The following LMF1 variants were observed in gnomAD, a reference collection of about 807,000 sequenced individuals.
LMF1 encodes lipase maturation factor 1.
In LMF1, 68 loss-of-function variants were observed where a neutral mutation model predicts 60.6. The ratio of observed to expected loss-of-function variants is 1.12; its 90% CI spans 0.92 to 1.37. LMF1 has a LOEUF of 1.37. Ranked by LOEUF, LMF1 falls within the 40% of genes most tolerant of loss-of-function variation. The pLI is 0.00. For synonymous variants in LMF1, 418 were observed against 324.7 expected (o/e 1.29, Z -3.09); for missense variants, 948 against 767.2 (o/e 1.24, Z -2.78).
intron 4 of LMF1, among the ~76,000 whole-genome samples, chr16:909,753 C>G (rs2071060014): frequency 6.6e-6 from 1 of 152,226 alleles, no homozygotes; most frequent in Non-Finnish European, 1.5e-5. Context: ...AGGAGCCGCC[C>G]AGCACTCGGG....
chr16:978,983 C>T lies in LMF1; in HGVS notation c.-135+2162G>A, dbSNP rs566604953. ...ACCAAAGATGCTTTCCCAGACCATC[C>T]TTCCTGAAGTCCCCGCCTCTGAGAG... is the stretch of plus-strand genomic sequence containing the variant. On this transcript the variant is annotated intron_variant, in intron 1 of 6. Transcript: ENST00000570014. 2.8e-4 allele frequency: 129 copies of T among 454,036 alleles called. 1 individual carries two copies. The highest frequency in any genetic ancestry group is 9.7e-5 in the Non-Finnish European group (22 of 226,736). The allele number at this position is 454,036 out of a possible 1,614,324, so 28.1% of individuals were successfully genotyped here. A position where few individuals can be genotyped will look rare whatever the true frequency, so the allele number is the denominator to read the frequency against.
intron 10 of LMF1, among the ~76,000 whole-genome samples, chr16:860,131 C>G (rs571959037): frequency 1.3e-5 from 2 of 152,010 alleles, no homozygotes; most frequent in Non-Finnish European, 2.9e-5. Context: ...TTACATATTC[C>G]AGATTTTAGA....
At chr16:860,740 C>A (rs749233949) in intron 10 of LMF1, among the ~76,000 whole-genome samples, 9 of 151,836 alleles carry the variant, frequency 5.9e-5, no homozygotes, top group Admixed American at 1.3e-4. Flanking sequence ...TGTTTTTGTC[C>A]ATGGAATTGC....
intron 1 of LMF1, chr16:968,289 C>A (rs2072968313): frequency 1.3e-5 from 2 of 152,256 alleles, no homozygotes; most frequent in Admixed American, 1.3e-4. Flanking sequence ...ATCTGTACAT[C>A]TTTACTACAT....
chr16:970,690 G>T, intron 1 of LMF1, 98 bp downstream of exon 1: 1 of 1,162,862 alleles, frequency 8.6e-7, no homozygotes, highest in Non-Finnish European at 1.2e-6. Context: ...TGGGGGCGCC[G>T]CGGCCGCGAG....
At chr16:951,933 G>T (rs1232274957) in intron 2 of LMF1, among the ~76,000 whole-genome samples, 2 of 152,200 alleles carry the variant, frequency 1.3e-5, no homozygotes, top group African/African-American at 4.8e-5. Flanking sequence ...CTGGGGCATC[G>T]GGGGCAAACC....
In LMF1 at chr16:870,114, G is replaced by A. The variant is rs763682694; in HGVS notation, c.1233-48C>T. On this transcript the variant is annotated intron_variant, in intron 8 of 10. Coordinates refer to ENST00000262301, the MANE Select transcript of LMF1 (RefSeq NM_022773.4). ...CAGGCCCACGTCACACACCGGCTGGGCCGAGTGGGGTGCATGGGTGGGGGG... is the reference window on the plus strand; with the variant it reads ...CAGGCCCACGTCACACACCGGCTGGACCGAGTGGGGTGCATGGGTGGGGGG... The A allele has an allele frequency of 3.4e-5, 53 of 1,573,092 alleles. 1 individual carries two copies. The East Asian group carries it at 9.7e-4, about 29-fold the overall frequency.
upstream of LMF1, among the ~76,000 whole-genome samples, chr16:971,545 C>T (rs2073052054): frequency 1.3e-5 from 2 of 152,250 alleles, no homozygotes; most frequent in Non-Finnish European, 2.9e-5. Flanking sequence ...AGCACCCTTC[C>T]GCCTTTGCAC....
At chr16:917,026 G>A (rs1264662641) in intron 3 of LMF1, among the ~76,000 whole-genome samples, 1 of 152,220 alleles carries the variant, frequency 6.6e-6, no homozygotes, top group Non-Finnish European at 1.5e-5. Context: ...CTCAGCGTCG[G>A]GGATGGAGAC....
chr16:953,149 C>A (rs1353023611), intron 2 of LMF1, among the ~76,000 whole-genome samples: 1 of 133,186 alleles, frequency 7.5e-6, no homozygotes, highest in Admixed American at 7.2e-5. Flanking sequence ...ACACCCACCC[C>A]AAACCAGCCT....
intron 4 of LMF1, among the ~76,000 whole-genome samples, chr16:895,139 C>G (rs2070626975): frequency 6.6e-6 from 1 of 152,194 alleles, no homozygotes; most frequent in African/African-American, 2.4e-5. Context: ...GACTGGCCTC[C>G]AGACGGCGGG....
intron 2 of LMF1, among the ~76,000 whole-genome samples, chr16:949,798 C>T (rs1182320809): frequency 0.014 from 1,454 of 100,798 alleles, 22 homozygotes; most frequent in Non-Finnish European, 0.019. Context: ...TCAGAGCCAA[C>T]GACAGAGTCA....
intron 2 of LMF1, chr16:952,576 C>G (rs1159298992): frequency 2.0e-5 from 3 of 153,404 alleles, no homozygotes; most frequent in Admixed American, 1.3e-4. Context: ...CACCAACTCA[C>G]CACCACAGCC....
chr16:929,060 T>C (rs1334042131), intron 3 of LMF1, among the ~76,000 whole-genome samples: 1 of 152,020 alleles, frequency 6.6e-6, no homozygotes, highest in African/African-American at 2.4e-5. Context: ...CCAGAACCCC[T>C]CACCACGAGT....
At chr16:876,485 C>T (rs914478759) in intron 6 of LMF1, among the ~76,000 whole-genome samples, 3 of 152,224 alleles carry the variant, frequency 2.0e-5, no homozygotes, top group Admixed American at 6.5e-5. Flanking sequence ...GTTTATCAGT[C>T]CTGCCTATCA....
intron 3 of LMF1, among the ~76,000 whole-genome samples, chr16:918,610 T>G (rs1596991336): frequency 6.6e-6 from 1 of 152,180 alleles, no homozygotes; most frequent in Non-Finnish European, 1.5e-5. Context: ...AGAAAAGTGC[T>G]GGCCATCGTG....
chr16:950,778 C>T lies in LMF1; in HGVS notation c.503+3579G>A, dbSNP rs483390. 3.7e-3 allele frequency among the ~76,000 whole-genome samples: 346 copies of T among 93,420 alleles called. 85 individuals carry two copies. The highest frequency in any genetic ancestry group is 0.013 in the African/African-American group (191 of 15,168). The allele number at this position is 93,420 out of a possible 152,430, so 61.3% of individuals were successfully genotyped here. A position where few individuals can be genotyped will look rare whatever the true frequency, so the allele number is the denominator to read the frequency against. ...GAGCCAACGACAGAGTCAGAGCCAACGACAGAGTCAGCCAATGACAGAGTC... is the reference window on the plus strand; with the variant it reads ...GAGCCAACGACAGAGTCAGAGCCAATGACAGAGTCAGCCAATGACAGAGTC... On this transcript the variant is annotated intron_variant, in intron 2 of 10. Coordinates refer to ENST00000262301, the MANE Select transcript of LMF1 (RefSeq NM_022773.4).
At chr16:862,913 C>G (rs1016848594) in intron 10 of LMF1, among the ~76,000 whole-genome samples, 1 of 152,152 alleles carries the variant, frequency 6.6e-6, no homozygotes, top group Non-Finnish European at 1.5e-5. Flanking sequence ...TCCTTCTCTT[C>G]TATTTTCTGG....
rs2070875922 is a variant in LMF1, at chr16:903,493, T to C, written c.663+7438A>G. On this transcript the variant is annotated intron_variant, in intron 4 of 10. Transcript: ENST00000262301. ...TGCCCGTGGGGACGCCTGTCTCTGC[T>C]GCGTGGTGGTGACCTCTGCACTGCC... 2.4e-5 allele frequency: 2 copies of C among 83,874 alleles called. 1 individual carries two copies. Among genetic ancestry groups the C allele is most frequent in the Non-Finnish European group, 4.1e-5 (2 of 48,864 alleles). 5.2% of individuals were successfully genotyped at this position (83,874 alleles called of 1,614,324 possible). A position where few individuals can be genotyped will look rare whatever the true frequency, so the allele number is the denominator to read the frequency against.
Sources: allele counts gnomAD v4.1 joint callset (sites outside exome capture counted in the v4.1 genomes callset), GRCh38; gene constraint gnomAD v4.1.1; transcripts MANE v1.5; gene names NCBI Gene and HGNC (gene_info 2026-07-23, HGNC 2026-07-21).